The following MYOM2 variants were observed in gnomAD, a reference collection of about 807,000 sequenced individuals.
MYOM2 encodes the protein myomesin-2.
In MYOM2, 254 loss-of-function variants were observed where a neutral mutation model predicts 187.6. The ratio of observed to expected loss-of-function variants is 1.35; its 90% CI spans 1.22 to 1.50. MYOM2 has a LOEUF of 1.50. MYOM2 is among the 40% of genes most tolerant of loss of function. The pLI is 0.00. For synonymous variants in MYOM2, 981 were observed against 753.8 expected (o/e 1.30, Z -4.94); for missense variants, 2,796 against 1,924.0 (o/e 1.45, Z -8.48).
chr8:2,092,904 G>A (rs1348629258), intron 16 of MYOM2, among the ~76,000 whole-genome samples: 4 of 152,070 alleles, frequency 2.6e-5, no homozygotes, highest in African/African-American at 9.7e-5. Flanking sequence ...TCATGTGCCT[G>A]GTAGTTCTAT....
At chr8:2,089,191 T>C (rs1314450863) in intron 14 of MYOM2, among the ~76,000 whole-genome samples, 2 of 152,106 alleles carry the variant, frequency 1.3e-5, no homozygotes, top group Non-Finnish European at 2.9e-5. Context: ...AAAAGGCGTT[T>C]TATCTCTATG....
chr8:2,085,501 G>GATCTCTGCGTGGCCCCCTACTGTCA, intron 14 of MYOM2, 111 bp downstream of exon 14: 1 of 1,120,246 alleles, frequency 8.9e-7, no homozygotes, highest in African/African-American at 1.8e-5. Flanking sequence ...CCTCACTGTT[G>GATCTCTGCGTGGCCCCCTACTGTCA]TGATCTCCGC....
chr8:2,124,748 C>A (rs1647646718), intron 31 of MYOM2, among the ~76,000 whole-genome samples: 1 of 152,040 alleles, frequency 6.6e-6, no homozygotes, highest in Admixed American at 6.5e-5. Flanking sequence ...CTCTGCTTGC[C>A]AGTGTTTTAT....
chr8:2,094,857 G>C (rs1252838489), intron 17 of MYOM2, among the ~76,000 whole-genome samples: 1 of 152,132 alleles, frequency 6.6e-6, no homozygotes, highest in Non-Finnish European at 1.5e-5. Context: ...AGACAATTGG[G>C]ATCCTAAATC....
intron 15 of MYOM2, among the ~76,000 whole-genome samples, chr8:2,091,766 G>A (rs1286895076): frequency 6.6e-6 from 1 of 152,188 alleles, no homozygotes; most frequent in Non-Finnish European, 1.5e-5. Flanking sequence ...TGACACATAT[G>A]AAAAATGACA....
intron 31 of MYOM2, among the ~76,000 whole-genome samples, chr8:2,126,263 G>A (rs1797630938): frequency 1.3e-5 from 2 of 152,132 alleles, no homozygotes; most frequent in South Asian, 4.1e-4. Context: ...TATCAATAGG[G>A]AGCCTTTATT....
chr8:2,137,632 A>G (rs945158038), intron 32 of MYOM2, among the ~76,000 whole-genome samples: 6 of 152,230 alleles, frequency 3.9e-5, no homozygotes, highest in African/African-American at 1.2e-4. Flanking sequence ...GAGGGTGACA[A>G]GATGACTAAG....
intron 13 of MYOM2, among the ~76,000 whole-genome samples, chr8:2,082,354 A>G (rs1819658619): frequency 6.6e-6 from 1 of 152,178 alleles, no homozygotes; most frequent in Admixed American, 6.5e-5. Flanking sequence ...ATTTGCTATT[A>G]GGAAGTTCCC....
At chr8:2,049,984 C>T (rs769066176) in intron 1 of MYOM2, among the ~76,000 whole-genome samples, 1 of 152,170 alleles carries the variant, frequency 6.6e-6, no homozygotes, top group Non-Finnish European at 1.5e-5. Context: ...TCACCTCCTG[C>T]TACGCCTGTC....
At chr8:2,101,267 C>T (rs1489098918) in intron 20 of MYOM2, among the ~76,000 whole-genome samples, 10 of 152,284 alleles carry the variant, frequency 6.6e-5, no homozygotes, top group African/African-American at 2.2e-4. Context: ...TCAGGAGAAT[C>T]GCTTGAACCC....
chr8:2,087,723 G>T (rs892068816), intron 14 of MYOM2, among the ~76,000 whole-genome samples: 1 of 152,164 alleles, frequency 6.6e-6, no homozygotes, highest in African/African-American at 2.4e-5. Context: ...CAGTCCTTCT[G>T]CCCCAGGCCC....
chr8:2,108,263 A>AT (rs202136897), intron 23 of MYOM2, among the ~76,000 whole-genome samples: 88 of 148,372 alleles, frequency 5.9e-4, no homozygotes, highest in Middle Eastern at 3.4e-3. Flanking sequence ...TTATTTATTT[A>AT]TTTTTTTTGT....
rs753661015 is a variant in MYOM2 at position 2,094,108 on chromosome 8, C to T, written c.2125+17C>T. The T allele has an allele frequency of 1.6e-5, 26 of 1,613,626 alleles. No individual in the cohort carries two copies. Among genetic ancestry groups the T allele is most frequent in the Non-Finnish European group, 2.0e-5 (24 of 1,179,846 alleles). The stretch of plus-strand genomic sequence containing the variant: ...CCGCACTCAGTAAGTCACTCACAGG[C>T]TGTTGTGTGCCGATTGCTCCCATAC... On this transcript the variant is annotated intron_variant, in intron 17 of 36. Transcript: ENST00000262113.
At position 2,116,291 on chromosome 8, in the gene MYOM2, C is replaced by G. The variant is rs1797242548; in HGVS notation, c.3385+16C>G. On this transcript the variant is annotated intron_variant, in intron 27 of 36. Transcript: ENST00000262113. The stretch of plus-strand genomic sequence containing the variant: ...AGGAAACAAGGTGAGTTTCCTCACT[C>G]TGACCGGCTCCCCTGCCCCTAGCAT... The G allele has an allele frequency of 1.9e-6, 3 of 1,609,138 alleles. No homozygotes were observed. Among genetic ancestry groups the G allele is most frequent in the Non-Finnish European group, 2.5e-6 (3 of 1,177,326 alleles).
At chr8:2,058,992 C>T (rs1173304814) in intron 5 of MYOM2, among the ~76,000 whole-genome samples, 161 bp from the exon 6 acceptor site, 11 of 152,224 alleles carry the variant, frequency 7.2e-5, no homozygotes, top group Admixed American at 2.6e-4. Flanking sequence ...AAAACCAGTG[C>T]GAACTCTGGG....
rs959489336 is a variant in MYOM2 at position 2,099,325 on chromosome 8, A to G, written c.2440+342A>G. Among the ~76,000 whole-genome samples the G allele has an allele frequency of 5.3e-5, 8 of 152,098 alleles. No homozygotes were observed. The East Asian group carries it at 1.5e-3, about 29-fold the overall frequency. ...GACACGGATTTGGCCCAGGTCACCTACCCCAAAGGAGCAGGCAGAGAGGGT... is the reference window on the plus strand; with the variant it reads ...GACACGGATTTGGCCCAGGTCACCTGCCCCAAAGGAGCAGGCAGAGAGGGT... On this transcript the variant is annotated intron_variant, in intron 19 of 36. Transcript: ENST00000262113.
intron 5 of MYOM2, 137 bp from the exon 6 acceptor site, chr8:2,059,016 G>A: frequency 1.5e-6 from 1 of 682,280 alleles, no homozygotes; most frequent in Admixed American, 2.4e-5. Context: ...CACCGTCAGG[G>A]CTCTGTCCTC....
At chr8:2,077,186 T>A (rs1304702354) in intron 11 of MYOM2, among the ~76,000 whole-genome samples, 1 of 152,024 alleles carries the variant, frequency 6.6e-6, no homozygotes, top group Non-Finnish European at 1.5e-5. Context: ...GGCATGTGCT[T>A]ATAATCCCAG....
At chr8:2,104,752 G>A (rs1446596513) in intron 21 of MYOM2, among the ~76,000 whole-genome samples, 1 of 152,142 alleles carries the variant, frequency 6.6e-6, no homozygotes, top group Non-Finnish European at 1.5e-5. Context: ...ACATGGTAGA[G>A]AACTGGGTGT....
Sources: gnomAD v4.1 joint callset for allele counts (sites outside exome capture counted in the v4.1 genomes callset) on GRCh38, gnomAD v4.1.1 for gene constraint, MANE v1.5 for transcripts, NCBI Gene and HGNC (gene_info 2026-07-23, HGNC 2026-07-21) for gene names.